The following TPRA1 variants were observed in gnomAD, a reference collection of about 807,000 sequenced individuals.
The protein encoded by TPRA1 is transmembrane protein adipocyte-associated 1.
TPRA1 carries 28 observed loss-of-function variants against 40.1 expected under a neutral mutation model. That is an observed-to-expected ratio of 0.70 (90% CI 0.52 to 0.96). The LOEUF (loss-of-function observed/expected upper bound fraction) is 0.96. Ranked by LOEUF, TPRA1 falls within the 40% of genes least tolerant of loss-of-function variation. The pLI, the probability that TPRA1 is intolerant of heterozygous loss-of-function variation, is 0.00. For synonymous variants in TPRA1, 219 were observed against 209.7 expected, an observed-to-expected ratio of 1.04 and a Z score of -0.38; for missense variants, 441 against 482.6, an observed-to-expected ratio of 0.91 and a Z score of 0.81.
chr3:127,575,311 A>G (rs2073563219), intron 9 of TPRA1, 46 bp from the exon 10 acceptor site: 1 of 1,596,696 alleles, frequency 6.3e-7, no homozygotes, highest in African/African-American at 1.4e-5. Context: ...CCCCATGCTG[A>G]CTCCACACCT....
intron 1 of TPRA1, among the ~76,000 whole-genome samples, chr3:127,583,341 C>T (rs937846057): frequency 1.0e-4 from 15 of 150,204 alleles, no homozygotes; most frequent in Admixed American, 9.3e-4. Context: ...AACAAACAAA[C>T]ACAAAACTTA....
chr3:127,593,193 C>T (rs892978609), upstream of TPRA1, among the ~76,000 whole-genome samples: 1 of 152,164 alleles, frequency 6.6e-6, no homozygotes, highest in Admixed American at 6.5e-5. Context: ...ACACACAGGA[C>T]AGAGCGTGGC....
At chr3:127,582,808 C>G (rs1420847393) in intron 1 of TPRA1, among the ~76,000 whole-genome samples, 1 of 150,344 alleles carries the variant, frequency 6.7e-6, no homozygotes, top group Non-Finnish European at 1.5e-5. Flanking sequence ...TGAGGCCAGA[C>G]TGACCAACAT....
chr3:127,586,010 C>T (rs2073989380), intron 1 of TPRA1, among the ~76,000 whole-genome samples: 1 of 152,204 alleles, frequency 6.6e-6, no homozygotes, highest in African/African-American at 2.4e-5. Context: ...CTGTCTTCCC[C>T]TACAGCTAGC....
Position 127,576,782 on chromosome 3 carries a change from G to A in TPRA1, c.418+39C>T. ...CCCACAGCCAGGGAGGGGCAGGGGA[G>A]AGCATCGCCAGGGCCCAAGAGCCCA... On this transcript the variant is annotated intron_variant, in intron 5 of 10. Coordinates refer to ENST00000355552, the MANE Select transcript of TPRA1 (RefSeq NM_001136053.4). The surrounding 1 kb of genome is among the most constrained non-coding windows in gnomAD (Gnocchi z 4.6). 1 of 1,613,408 alleles carries A rather than the reference G, an allele frequency of 6.2e-7. No homozygotes were observed.
In TPRA1 at chr3:127,575,280, G is replaced by C. The variant is rs1327561011; in HGVS notation, c.774-15C>G. The C allele has an allele frequency of 4.3e-6, 7 of 1,611,850 alleles. No homozygotes were observed. The highest frequency in any genetic ancestry group is 1.7e-6 in the Non-Finnish European group (2 of 1,178,906). ...CATCTACACAGCTGCGGAGAAGGCG[G>C]GTCAGCGCGGGGCCTCCTAGCCCCA... On this transcript the variant is annotated splice_polypyrimidine_tract_variant and intron_variant, in intron 9 of 10. Transcript: ENST00000355552.
intron 1 of TPRA1, among the ~76,000 whole-genome samples, chr3:127,586,700 G>A (rs1169909101): frequency 1.3e-5 from 2 of 152,150 alleles, no homozygotes; most frequent in Non-Finnish European, 2.9e-5. Flanking sequence ...CAGAGTGAAC[G>A]CCTGGTCCTA....
rs1467170079 is a variant in TPRA1, at chr3:127,571,238, A to G, written c.*2283T>C. The G allele has an allele frequency of 1.3e-5, 2 of 152,280 alleles. No individual in the cohort carries two copies. Among genetic ancestry groups the G allele is most frequent in the Non-Finnish European group, 2.9e-5 (2 of 68,056 alleles). 9.4% of individuals were successfully genotyped at this position (152,280 alleles called of 1,614,324 possible). A position where few individuals can be genotyped will look rare whatever the true frequency, so the allele number is the denominator to read the frequency against. ...GCATGCATACTTACATCCATTGGCC[A>G]GAACCCACCTGCAAGGAAGGCTAGA... On this transcript the variant is annotated 3_prime_UTR_variant, in exon 11 of 11. Transcript: ENST00000355552.
Position 127,576,863 on chromosome 3 carries a change from G to A in TPRA1, c.376C>T (p.Leu126=). ...ATGATCACACTCAGCTCGATGGCCA[G>A]CAGGAAGAAGCGGGTGATCTCCCAC... is the stretch of plus-strand genomic sequence containing the variant. ...ILWEITRFFL[L]AIELSVIILG... Residue 126 remains leucine, a synonymous_variant, in exon 5 of 11, where the codon CTG becomes TTG. Transcript: ENST00000355552. The surrounding 1 kb of genome is among the most constrained non-coding windows in gnomAD (Gnocchi z 4.6). 6.2e-7 allele frequency: 1 copy of A among 1,613,938 alleles called. No homozygotes were observed. The highest frequency in any genetic ancestry group is 8.5e-7 in the Non-Finnish European group (1 of 1,180,034).
At chr3:127,597,065 G>A (rs1416794404) in intron 1 of TPRA1, among the ~76,000 whole-genome samples, 2 of 151,802 alleles carry the variant, frequency 1.3e-5, no homozygotes, top group Non-Finnish European at 2.9e-5. Flanking sequence ...GCAGTGAGCT[G>A]AGGTTGCACC....
At chr3:127,591,251 C>T (rs1164018467), upstream of TPRA1, among the ~76,000 whole-genome samples, 2 of 152,188 alleles carry the variant, frequency 1.3e-5, no homozygotes, top group African/African-American at 4.8e-5. Flanking sequence ...GGGCCGCCGC[C>T]TCCCAGCGCC....
chr3:127,591,872 G>T (rs1316733577), upstream of TPRA1: 2 of 152,122 alleles, frequency 1.3e-5, no homozygotes, highest in Non-Finnish European at 2.9e-5. Flanking sequence ...GTTATTACAG[G>T]CACCCCAAGA....
Position 127,571,810 on chromosome 3 carries a change from T to G in TPRA1, c.*1711A>C, listed in dbSNP as rs188870562. On this transcript the variant is annotated 3_prime_UTR_variant, in exon 11 of 11. Transcript: ENST00000355552. ...CTTTTTTTTTCTTGCCATGTACATA[T>G]ATGACCTATTTTTAAAAAACAAACT... 6.6e-6 allele frequency: 1 copy of G among 152,174 alleles called. No individual in the cohort carries two copies. Among genetic ancestry groups the G allele is most frequent in the South Asian group, 2.1e-4 (1 of 4,818 alleles). 9.4% of individuals were successfully genotyped at this position (152,174 alleles called of 1,614,324 possible).
rs971453862 is a variant in TPRA1, at chr3:127,571,253, G to A, written c.*2268C>T. The A allele has an allele frequency of 1.3e-5, 2 of 152,210 alleles. No individual in the cohort carries two copies. Among genetic ancestry groups the A allele is most frequent in the Admixed American group, 1.3e-4 (2 of 15,280 alleles). The allele number at this position is 152,210 out of a possible 1,614,324, so 9.4% of individuals were successfully genotyped here. A position where few individuals can be genotyped will look rare whatever the true frequency, so the allele number is the denominator to read the frequency against. On this transcript the variant is annotated 3_prime_UTR_variant, in exon 11 of 11. Transcript: ENST00000355552. ...TCCATTGGCCAGAACCCACCTGCAA[G>A]GAAGGCTAGAAAATGCAGTCTTTAT...
intron 7 of TPRA1, 58 bp from the exon 8 acceptor site, chr3:127,575,867 A>C: frequency 6.2e-7 from 1 of 1,611,498 alleles, no homozygotes; most frequent in African/African-American, 1.3e-5. Context: ...ACCCACAGCC[A>C]GAAACCCAGG....
At chr3:127,597,655 A>G (rs527824589) in intron 1 of TPRA1, among the ~76,000 whole-genome samples, 29 of 152,306 alleles carry the variant, frequency 1.9e-4, no homozygotes, top group African/African-American at 6.7e-4. Flanking sequence ...CTGGGCAAAG[A>G]TAACTCCTAC....
chr3:127,587,678 T>C (rs1343274012), intron 1 of TPRA1, among the ~76,000 whole-genome samples: 3 of 149,102 alleles, frequency 2.0e-5, no homozygotes, highest in African/African-American at 7.4e-5. Context: ...TGCTTTTCTT[T>C]TTTTTTTTTT....
At chr3:127,598,217 A>G (rs1297111863), upstream of TPRA1, 2 of 586,186 alleles carry the variant, frequency 3.4e-6, no homozygotes, top group East Asian at 6.0e-5. Context: ...CTCCCACCAC[A>G]GCGCAGGCGA....
At position 127,579,953 on chromosome 3, in the gene TPRA1, C is replaced by T. The variant is rs889789041; in HGVS notation, c.125+69G>A. 4 of 1,609,170 alleles carry T rather than the reference C, an allele frequency of 2.5e-6. No homozygotes were observed. The South Asian group carries it at 3.3e-5, about 13-fold the overall frequency. On this transcript the variant is annotated intron_variant, in intron 2 of 10. Transcript: ENST00000355552. ...TCCAAGACACAATCTGCCCCACCCT[C>T]ACCACCCCCCTACACCAGGAAAAGC... is the stretch of plus-strand genomic sequence containing the variant.
Sources: gnomAD v4.1 joint callset for allele counts (sites outside exome capture counted in the v4.1 genomes callset) on GRCh38, gnomAD v4.1.1 for gene constraint, Gnocchi (gnomAD v3.1) non-coding constraint, MANE v1.5 for transcripts, NCBI Gene and HGNC (gene_info 2026-07-23, HGNC 2026-07-21) for gene names.